The following KCNU1 variants were observed in gnomAD, a reference collection of about 807,000 sequenced individuals.
The protein encoded by KCNU1 is potassium channel subfamily U member 1.
KCNU1 carries 93 observed loss-of-function variants against 126.8 expected under a neutral mutation model. That is an observed-to-expected ratio of 0.73 (90% CI 0.62 to 0.87). KCNU1 has a LOEUF of 0.87. Among genes scored for constraint, KCNU1 ranks in the 40% least tolerant of loss-of-function variants. KCNU1 has a pLI of 0.00. For synonymous variants in KCNU1, 523 were observed against 494.2 expected (o/e 1.06, Z -0.77); for missense variants, 1,330 against 1,367.1 (o/e 0.97, Z 0.43).
Position 36,936,104 on chromosome 8 carries a change from A to G in KCNU1, c.*184A>G. The G allele has an allele frequency of 2.1e-6, 1 of 481,392 alleles. No homozygotes were observed. The highest frequency in any genetic ancestry group is 3.6e-6 in the Non-Finnish European group (1 of 276,826). 29.8% of individuals were successfully genotyped at this position (481,392 alleles called of 1,614,324 possible). On this transcript the variant is annotated 3_prime_UTR_variant, in exon 27 of 27. Transcript: ENST00000399881. ...CTAATGCCACTGGATCTTGTGTGAT[A>G]AATAAAGAAATATATGATCAATGCT... is the stretch of plus-strand genomic sequence containing the variant.
chr8:36,846,488 T>C (rs1220196866), intron 18 of KCNU1, among the ~76,000 whole-genome samples: 1 of 152,192 alleles, frequency 6.6e-6, no homozygotes, highest in Non-Finnish European at 1.5e-5. Flanking sequence ...GCATTCATAA[T>C]CACTTAGTCC....
At position 36,840,972 on chromosome 8, in the gene KCNU1, G is replaced by C. The variant is rs770831578; in HGVS notation, c.1672G>C (p.Glu558Gln). The stretch of plus-strand genomic sequence containing the variant: ...GATGCACCTCCTGTTGATAGCCATC[G>C]AATACAAGTCCCTCTTTACGGATGG... ...LKMHLLLIAI[E>Q]YKSLFTDGFC... is the part of the protein sequence containing the mutation. The change falls in exon 16 of 27, where the codon GAA (glutamate) becomes CAA (glutamine). Residue 558 changes from glutamate to glutamine, a missense_variant. Coordinates refer to ENST00000399881, the MANE Select transcript of KCNU1 (RefSeq NM_001031836.3). 6.2e-7 allele frequency: 1 copy of C among 1,610,448 alleles called. No homozygotes were observed. Among genetic ancestry groups the C allele is most frequent in the Non-Finnish European group, 8.5e-7 (1 of 1,178,188 alleles).
At chr8:36,790,001 C>A (rs10503994) in intron 2 of KCNU1, among the ~76,000 whole-genome samples, 11,774 of 152,084 alleles carry the variant, frequency 0.077, 1,517 homozygotes, top group African/African-American at 0.27. Context: ...GGGAATCACT[C>A]TATTCTAAGG....
At chr8:36,812,870 G>T (rs1350233928) in intron 7 of KCNU1, among the ~76,000 whole-genome samples, 1 of 152,072 alleles carries the variant, frequency 6.6e-6, no homozygotes, top group East Asian at 1.9e-4. Flanking sequence ...AAATTTTAAA[G>T]CGTTCTTTAA....
At chr8:36,801,818 G>C (rs1173110301) in intron 2 of KCNU1, among the ~76,000 whole-genome samples, 1 of 151,774 alleles carries the variant, frequency 6.6e-6, no homozygotes, top group East Asian at 1.9e-4. Flanking sequence ...TTTTAAAATG[G>C]AACTTACAGG....
intron 7 of KCNU1, among the ~76,000 whole-genome samples, chr8:36,809,412 G>T (rs537196344): frequency 6.6e-6 from 1 of 152,140 alleles, no homozygotes; most frequent in Non-Finnish European, 1.5e-5. Flanking sequence ...TTAAAAGCCC[G>T]CAAAAGCCTT....
intron 24 of KCNU1, among the ~76,000 whole-genome samples, chr8:36,927,723 C>T (rs983030635): frequency 2.6e-5 from 4 of 152,194 alleles, no homozygotes; most frequent in South Asian, 4.1e-4. Context: ...ATGACAGGAA[C>T]CACAACATTC....
intron 12 of KCNU1, 63 bp downstream of exon 12, chr8:36,834,931 C>A: frequency 9.7e-7 from 1 of 1,029,194 alleles, no homozygotes. Context: ...AAAGTAATGC[C>A]CGGTACATAA....
chr8:36,854,349 C>A (rs1377362868), intron 18 of KCNU1, among the ~76,000 whole-genome samples: 2 of 152,068 alleles, frequency 1.3e-5, no homozygotes, highest in African/African-American at 4.8e-5. Context: ...TTCATTAAAT[C>A]CTTTGGTACA....
intron 7 of KCNU1, among the ~76,000 whole-genome samples, chr8:36,809,845 C>G (rs1014998737): frequency 6.6e-6 from 1 of 152,168 alleles, no homozygotes; most frequent in Non-Finnish European, 1.5e-5. Context: ...ATGTGGCCTA[C>G]AAGCATATTA....
intron 20 of KCNU1, among the ~76,000 whole-genome samples, chr8:36,906,933 A>G (rs552253337): frequency 1.3e-4 from 20 of 152,290 alleles, no homozygotes; most frequent in African/African-American, 4.3e-4. Context: ...AAATCTTTAG[A>G]AAGGTCAGGA....
In KCNU1 at chr8:36,822,021, A is replaced by T. The variant is rs551133725; in HGVS notation, c.1106+4261A>T. Among the ~76,000 whole-genome samples, 49 of 152,244 alleles carry T rather than the reference A, an allele frequency of 3.2e-4. No homozygotes were observed. In the South Asian group the frequency reaches 9.8e-3, roughly 30 times the overall value. ...AGGGATGTAGCCCCATCATAAGTTC[A>T]GGAGTGTCTGTATTCTGCTCCTCCT... On this transcript the variant is annotated intron_variant, in intron 10 of 26. Coordinates refer to ENST00000399881, the MANE Select transcript of KCNU1 (RefSeq NM_001031836.3).
intron 19 of KCNU1, chr8:36,888,706 T>A (rs1443738108): frequency 1.9e-6 from 1 of 534,492 alleles, no homozygotes. Context: ...TTACAAACCA[T>A]CACTTGCAGG....
chr8:36,871,706 G>C (rs529490935), intron 19 of KCNU1, among the ~76,000 whole-genome samples: 1 of 152,176 alleles, frequency 6.6e-6, no homozygotes, highest in South Asian at 2.1e-4. Flanking sequence ...AATTCTCCTG[G>C]AATTACGGGT....
At chr8:36,883,613 G>T (rs1806577089) in intron 19 of KCNU1, among the ~76,000 whole-genome samples, 1 of 151,908 alleles carries the variant, frequency 6.6e-6, no homozygotes, top group Non-Finnish European at 1.5e-5. Flanking sequence ...GTGAAACCCT[G>T]TCTCTACAAA....
intron 19 of KCNU1, among the ~76,000 whole-genome samples, chr8:36,885,955 G>A (rs770355598): frequency 1.3e-5 from 2 of 152,134 alleles, no homozygotes; most frequent in Non-Finnish European, 2.9e-5. Context: ...GAGAAACATG[G>A]GGAGTTAAGA....
chr8:36,889,788 A>G (rs1483709334), intron 19 of KCNU1, among the ~76,000 whole-genome samples: 1 of 152,094 alleles, frequency 6.6e-6, no homozygotes, highest in African/African-American at 2.4e-5. Context: ...AACAGGTAGG[A>G]TACATAACAA....
chr8:36,879,554 G>T (rs550085337), intron 19 of KCNU1, among the ~76,000 whole-genome samples: 3 of 152,034 alleles, frequency 2.0e-5, no homozygotes, highest in Non-Finnish European at 4.4e-5. Flanking sequence ...CTGTGTTGAG[G>T]GATGGGTCAG....
chr8:36,875,022 G>T (rs967707369), intron 19 of KCNU1, among the ~76,000 whole-genome samples: 4 of 151,858 alleles, frequency 2.6e-5, no homozygotes. Flanking sequence ...TCCTCCTAAT[G>T]AATGTAAGTG....
Sources: allele counts gnomAD v4.1 joint callset (sites outside exome capture counted in the v4.1 genomes callset), GRCh38; gene constraint gnomAD v4.1.1; transcripts MANE v1.5; gene names NCBI Gene and HGNC (gene_info 2026-07-23, HGNC 2026-07-21).